NLK: variants seen among roughly 807,000 people sequenced by gnomAD.
NLK encodes the protein nemo like kinase.
In NLK, 11 loss-of-function variants were observed where a neutral mutation model predicts 59.0. The ratio of observed to expected loss-of-function variants is 0.19; its 90% CI spans 0.12 to 0.31. The LOEUF (loss-of-function observed/expected upper bound fraction) is 0.31, where lower values mean the gene tolerates loss of function less well. Ranked by LOEUF, NLK falls within the 10% of genes least tolerant of loss-of-function variation. NLK has a pLI of 1.00. For synonymous variants in NLK, 235 were observed against 235.9 expected (o/e 1.00, Z 0.03); for missense variants, 410 against 661.1 (o/e 0.62, Z 4.16).
chr17:28,176,919 A>AC (rs756102216), intron 7 of NLK, among the ~76,000 whole-genome samples: 12 of 152,086 alleles, frequency 7.9e-5, no homozygotes, highest in Non-Finnish European at 1.3e-4. Context: ...TGCCAACTCC[A>AC]CCCCCCTAAC....
chr17:28,165,886 A>G (rs1261895407), intron 5 of NLK, among the ~76,000 whole-genome samples: 1 of 152,156 alleles, frequency 6.6e-6, no homozygotes, highest in East Asian at 1.9e-4. Context: ...AAATATCCTC[A>G]AGAGTCATGG....
chr17:28,202,678 CTTT>C, the NLK span, among the ~76,000 whole-genome samples: 7 of 143,044 alleles, frequency 4.9e-5, no homozygotes, highest in Admixed American at 2.1e-4. Flanking sequence ...ATTTCTTTTT[CTTT>C]TTTTTCTTTT....
intron 3 of NLK, among the ~76,000 whole-genome samples, chr17:28,153,930 A>G (rs1183357920): frequency 1.3e-5 from 2 of 152,192 alleles, no homozygotes; most frequent in Non-Finnish European, 2.9e-5. Flanking sequence ...AATTGAGCAA[A>G]GGACAGGAAC....
At chr17:28,055,576 C>T (rs1909413102) in intron 1 of NLK, among the ~76,000 whole-genome samples, 1 of 151,878 alleles carries the variant, frequency 6.6e-6, no homozygotes, top group African/African-American at 2.4e-5. Flanking sequence ...AACTCTTGTC[C>T]TCAAGCAGTT....
chr17:28,131,398 T>C (rs974082379), intron 2 of NLK, among the ~76,000 whole-genome samples: 3 of 152,040 alleles, frequency 2.0e-5, no homozygotes, highest in East Asian at 3.9e-4. Context: ...TTTTAACCTT[T>C]TTTTCATTAG....
chr17:28,077,937 C>A (rs1473094472), intron 1 of NLK, among the ~76,000 whole-genome samples: 2 of 151,974 alleles, frequency 1.3e-5, no homozygotes. Flanking sequence ...CTGCTTCTTT[C>A]TCAAGCATGT....
chr17:28,154,441 G>T (rs887117941), intron 3 of NLK, among the ~76,000 whole-genome samples: 1 of 152,092 alleles, frequency 6.6e-6, no homozygotes, highest in African/African-American at 2.4e-5. Context: ...CAGGAAGGAG[G>T]ATCTGTACAT....
chr17:28,172,034 G>C (rs1307609259), intron 6 of NLK, among the ~76,000 whole-genome samples: 1 of 150,928 alleles, frequency 6.6e-6, no homozygotes, highest in Non-Finnish European at 1.5e-5. Context: ...GGAATATATA[G>C]GATAATCCTA....
At chr17:28,205,686 A>G in the NLK span, among the ~76,000 whole-genome samples, 1 of 152,112 alleles carries the variant, frequency 6.6e-6, no homozygotes, top group African/African-American at 2.4e-5. Context: ...CTTCCCCACC[A>G]TGCCCTGCCC....
rs1394968756 is a variant in NLK, at chr17:28,122,656, A to G, written c.512A>G (p.Asn171Ser). The G allele has an allele frequency of 2.6e-5, 42 of 1,613,748 alleles. No homozygotes were observed. Among genetic ancestry groups the G allele is most frequent in the African/African-American group, 4.0e-5 (3 of 74,926 alleles). Residue 171 changes from asparagine to serine, a missense_variant, in exon 2 of 11, where the codon AAC becomes AGC. By Grantham distance (46) the Asn-to-Ser change is conservative. This residue lies in a region of NLK where 73 missense variants were observed against 197.2 expected (regional missense o/e 0.37). Transcript: ENST00000407008. ...AGAGTAGCGCTCAAAAAGATGCCCA[A>G]CGTCTTCCAGAATCTGGTCTCTTGC... ...GKRVALKKMP[N>S]VFQNLVSCKR... is the part of the protein sequence containing the mutation.
intron 1 of NLK, among the ~76,000 whole-genome samples, chr17:28,104,706 A>G (rs1053137453): frequency 6.6e-6 from 1 of 152,068 alleles, no homozygotes; most frequent in African/African-American, 2.4e-5. Flanking sequence ...CTCTCAAGAG[A>G]TTAAAAAATG....
At chr17:28,178,800 G>A (rs1323168904) in intron 7 of NLK, among the ~76,000 whole-genome samples, 2 of 152,212 alleles carry the variant, frequency 1.3e-5, no homozygotes, top group African/African-American at 4.8e-5. Flanking sequence ...TGTACTCACT[G>A]TGCATGCTCA....
At chr17:28,190,064 A>G (rs1036116789) in intron 8 of NLK, among the ~76,000 whole-genome samples, 2 of 152,216 alleles carry the variant, frequency 1.3e-5, no homozygotes, top group Admixed American at 6.5e-5. Flanking sequence ...TCTGAGAACA[A>G]AAGTGGTTTT....
intron 1 of NLK, among the ~76,000 whole-genome samples, chr17:28,049,349 A>G (rs1909168833): frequency 6.6e-6 from 1 of 152,230 alleles, no homozygotes; most frequent in South Asian, 2.1e-4. Context: ...TAATTGAGTC[A>G]TATCTACTAT....
At position 28,172,407 on chromosome 17, in the gene NLK, T is replaced by C. The variant is rs201140029; in HGVS notation, c.1048-110T>C. ...CCTGTCAGTTAATCTAGAGCTTGTC[T>C]TAAGGTTTTTTCCCCCAGATTTGGT... On this transcript the variant is annotated intron_variant, in intron 6 of 10. Transcript: ENST00000407008. 113 of 513,892 alleles carry C rather than the reference T, an allele frequency of 2.2e-4. No individual in the cohort carries two copies. In the East Asian group the frequency reaches 3.9e-3, roughly 18 times the overall value. The allele number at this position is 513,892 out of a possible 1,614,324, so 31.8% of individuals were successfully genotyped here. A position where few individuals can be genotyped will look rare whatever the true frequency, so the allele number is the denominator to read the frequency against.
At chr17:28,135,952 C>T (rs564636180) in intron 3 of NLK, among the ~76,000 whole-genome samples, 36 of 152,240 alleles carry the variant, frequency 2.4e-4, no homozygotes, top group African/African-American at 8.7e-4. Context: ...CAAATACTTA[C>T]AAAACAGAGG....
intron 8 of NLK, among the ~76,000 whole-genome samples, chr17:28,185,829 C>T (rs527811651): frequency 1.6e-4 from 25 of 152,108 alleles, no homozygotes; most frequent in Non-Finnish European, 2.9e-4. Flanking sequence ...TGAGCCACCG[C>T]GCCCGGCCAG....
chr17:28,067,031 C>T (rs978182334), intron 1 of NLK, among the ~76,000 whole-genome samples: 3 of 152,100 alleles, frequency 2.0e-5, no homozygotes, highest in Admixed American at 6.6e-5. Flanking sequence ...AATATTTTCT[C>T]CCAGTCTGTA....
chr17:28,105,837 G>A (rs11868580), intron 1 of NLK, among the ~76,000 whole-genome samples: 2 of 152,144 alleles, frequency 1.3e-5, no homozygotes, highest in African/African-American at 2.4e-5. Flanking sequence ...ACTTAGAGTC[G>A]TTCTCCTCCC....
Sources: allele counts gnomAD v4.1 joint callset (sites outside exome capture counted in the v4.1 genomes callset), GRCh38; gene constraint gnomAD v4.1.1; regional missense constraint gnomAD v4.1.1; transcripts MANE v1.5; gene names NCBI Gene and HGNC (gene_info 2026-07-23, HGNC 2026-07-21).